The following MRTFA variants were observed in gnomAD, a reference collection of about 807,000 sequenced individuals.
The protein encoded by MRTFA is myocardin related transcription factor A.
MRTFA carries 20 observed loss-of-function variants against 83.5 expected under a neutral mutation model. That is an observed-to-expected ratio of 0.24 (90% CI 0.17 to 0.35). MRTFA has a LOEUF of 0.35. Among genes scored for constraint, MRTFA ranks in the 10% least tolerant of loss-of-function variants. The pLI, the probability that MRTFA is intolerant of heterozygous loss-of-function variation, is 1.00. For missense variants in MRTFA, 1,200 were observed against 1,224.7 expected, an observed-to-expected ratio of 0.98 and a Z score of 0.30; for synonymous variants, 659 against 541.2, an observed-to-expected ratio of 1.22 and a Z score of -3.02.
At chr22:40,605,231 G>A (rs756731895) in intron 1 of MRTFA, among the ~76,000 whole-genome samples, 4 of 152,076 alleles carry the variant, frequency 2.6e-5, no homozygotes, top group African/African-American at 4.8e-5. Context: ...GCTCTGATGG[G>A]GTTTATAATC....
At chr22:40,609,647 A>G (rs755944817) in intron 1 of MRTFA, among the ~76,000 whole-genome samples, 2 of 152,016 alleles carry the variant, frequency 1.3e-5, no homozygotes, top group Non-Finnish European at 2.9e-5. Flanking sequence ...CCTAGCCAAC[A>G]TGGTGAAACC....
chr22:40,548,134 G>T (rs1287735991), intron 3 of MRTFA, among the ~76,000 whole-genome samples: 2 of 151,748 alleles, frequency 1.3e-5, no homozygotes, highest in African/African-American at 4.8e-5. Flanking sequence ...GGGGCAGAGG[G>T]GATCACTTGA....
chr22:40,429,629 G>T lies in MRTFA; in HGVS notation c.578C>A (p.Ser193Tyr). 6.2e-7 allele frequency: 1 copy of T among 1,614,130 alleles called. No homozygotes were observed. Among genetic ancestry groups the T allele is most frequent in the African/African-American group, 1.3e-5 (1 of 75,020 alleles). ...ACCAATGATGGCTTCCTTCAGGCTG[G>T]ACTCAACAGGAAGGATGTTCTTCTC... The change falls in exon 7 of 15, where the codon TCC becomes TAC. Residue 193 changes from serine to tyrosine, a missense_variant. This residue lies in a region of MRTFA where 93 missense variants were observed against 182.9 expected (regional missense o/e 0.51). Coordinates refer to ENST00000355630, the MANE Select transcript of MRTFA (RefSeq NM_020831.6).
intron 9 of MRTFA, among the ~76,000 whole-genome samples, chr22:40,422,847 G>GTC (rs1341233512): frequency 2.6e-5 from 4 of 152,216 alleles, no homozygotes; most frequent in African/African-American, 9.7e-5. Flanking sequence ...CAGGCACAGG[G>GTC]TCTGTGTGAG....
intron 2 of MRTFA, among the ~76,000 whole-genome samples, chr22:40,557,764 CA>C (rs916086062): frequency 4.7e-5 from 7 of 148,978 alleles, no homozygotes; most frequent in South Asian, 2.1e-4. Flanking sequence ...GATGTCTTGG[CA>C]AAAAAAAAAT....
chr22:40,559,145 T>C (rs538714678), intron 2 of MRTFA, among the ~76,000 whole-genome samples: 41 of 152,236 alleles, frequency 2.7e-4, no homozygotes, highest in African/African-American at 4.3e-4. Context: ...TCCCCAGCAG[T>C]TGGGGAGGCC....
At position 40,410,775 on chromosome 22, in the gene MRTFA, C is replaced by CCG. The variant is rs1555956149; in HGVS notation, c.*613_*614dup. ...GGAGGGAGTTGCACCCATCTCCTGT[C>CCG]CGCCCCCCCCCAAAAATATATATGT... On this transcript the variant is annotated 3_prime_UTR_variant, in exon 15 of 15. Coordinates refer to ENST00000355630, the MANE Select transcript of MRTFA (RefSeq NM_020831.6). The CCG allele has an allele frequency of 8.6e-6, 2 of 231,240 alleles. No homozygotes were observed. Among genetic ancestry groups the CCG allele is most frequent in the African/African-American group, 4.6e-5 (2 of 43,766 alleles). The allele number at this position is 231,240 out of a possible 1,614,324, so 14.3% of individuals were successfully genotyped here.
intron 3 of MRTFA, among the ~76,000 whole-genome samples, chr22:40,471,404 A>AAAAAAG (rs1204879166): frequency 6.6e-6 from 1 of 152,038 alleles, no homozygotes. Context: ...CTCCATCTCA[A>AAAAAAG]AAAAAGAAAA....
intron 2 of MRTFA, among the ~76,000 whole-genome samples, chr22:40,591,269 T>G (rs1008309790): frequency 4.8e-5 from 7 of 146,310 alleles, no homozygotes; most frequent in Non-Finnish European, 7.5e-5. Flanking sequence ...AGAGCGAGAC[T>G]CCGTCTCAAA....
intron 3 of MRTFA, among the ~76,000 whole-genome samples, chr22:40,476,169 G>C (rs749850865): frequency 6.6e-6 from 1 of 151,162 alleles, no homozygotes; most frequent in African/African-American, 2.4e-5. Context: ...GGGGGGTCTT[G>C]AAAGTATTTT....
intron 6 of MRTFA, among the ~76,000 whole-genome samples, chr22:40,431,008 G>A (rs774409322): frequency 4.6e-5 from 7 of 151,944 alleles, no homozygotes; most frequent in South Asian, 2.1e-4. Context: ...ATGACTGACC[G>A]AATGAATGAA....
At chr22:40,461,628 C>CAA (rs71199287) in intron 4 of MRTFA, among the ~76,000 whole-genome samples, 5 of 100,356 alleles carry the variant, frequency 5.0e-5, no homozygotes, top group East Asian at 3.2e-4. Flanking sequence ...ACTAAAAATA[C>CAA]AAAAAAAAAA....
chr22:40,569,436 A>C (rs2055752940), intron 2 of MRTFA: 2 of 163,758 alleles, frequency 1.2e-5, no homozygotes. Context: ...AAAGGAGGTA[A>C]TGTATGGCCG....
chr22:40,555,516 T>C (rs2055507529), intron 2 of MRTFA, among the ~76,000 whole-genome samples: 1 of 152,074 alleles, frequency 6.6e-6, no homozygotes, highest in Non-Finnish European at 1.5e-5. Flanking sequence ...TAAAAGCTCC[T>C]TGATGGCACC....
At chr22:40,463,837 G>GT (rs1412816180) in intron 3 of MRTFA, among the ~76,000 whole-genome samples, 1 of 152,128 alleles carries the variant, frequency 6.6e-6, no homozygotes, top group African/African-American at 2.4e-5. Context: ...ATATGCCTCT[G>GT]TTTTTCTTCT....
At chr22:40,467,210 C>A (rs1168463172) in intron 3 of MRTFA, among the ~76,000 whole-genome samples, 1 of 152,046 alleles carries the variant, frequency 6.6e-6, no homozygotes, top group Non-Finnish European at 1.5e-5. Flanking sequence ...ACTGCAATAA[C>A]CTGATTTAGG....
At chr22:40,575,801 C>T (rs750929108) in intron 2 of MRTFA, among the ~76,000 whole-genome samples, 2 of 152,082 alleles carry the variant, frequency 1.3e-5, no homozygotes, top group African/African-American at 4.8e-5. Context: ...AGCAAAACTG[C>T]AATTATTTTT....
chr22:40,498,200 CCAAA>C (rs2054389037), intron 3 of MRTFA, among the ~76,000 whole-genome samples: 1 of 144,774 alleles, frequency 6.9e-6, no homozygotes, highest in Non-Finnish European at 1.5e-5. Flanking sequence ...CAAAAATTTA[CCAAA>C]CAAAATGTCA....
At chr22:40,438,857 G>T (rs539638276) in intron 4 of MRTFA, among the ~76,000 whole-genome samples, 1 of 152,162 alleles carries the variant, frequency 6.6e-6, no homozygotes, top group African/African-American at 2.4e-5. Flanking sequence ...TGTTCCTCAG[G>T]AATAAGGAAG....
Sources: gnomAD v4.1 joint callset for allele counts (sites outside exome capture counted in the v4.1 genomes callset) on GRCh38, gnomAD v4.1.1 for gene constraint, gnomAD v4.1.1 regional missense constraint, MANE v1.5 for transcripts, NCBI Gene and HGNC (gene_info 2026-07-23, HGNC 2026-07-21) for gene names.